Variants in PNO1 observed in about 807,000 individuals in gnomAD.
The protein encoded by PNO1 is partner of NOB1 homolog, also known as RNA-binding protein PNO1.
A neutral mutation model predicts 28.4 loss-of-function variants in PNO1; 16 were observed. The observed-to-expected ratio is 0.56, with a 90% CI of 0.38 to 0.85. The LOEUF (loss-of-function observed/expected upper bound fraction) is 0.85, where lower values mean the gene tolerates loss of function less well. Among genes scored for constraint, PNO1 ranks in the 40% least tolerant of loss-of-function variants. The probability of loss-of-function intolerance (pLI) is 0.00; values close to 1 mark genes in which losing one functional copy is unlikely to be tolerated. For missense variants in PNO1, 304 were observed against 312.2 expected, an observed-to-expected ratio of 0.97 and a Z score of 0.20; for synonymous variants, 115 against 110.8, an observed-to-expected ratio of 1.04 and a Z score of -0.24.
At chr2:68,163,304 G>T (rs1436742867) in intron 5 of PNO1, among the ~76,000 whole-genome samples, 1 of 152,164 alleles carries the variant, frequency 6.6e-6, no homozygotes, top group Admixed American at 6.5e-5. Flanking sequence ...GGCTGAGGCG[G>T]GCGGATCACC....
At chr2:68,167,856 C>G (rs1467196537) in intron 5 of PNO1, among the ~76,000 whole-genome samples, 2 of 152,174 alleles carry the variant, frequency 1.3e-5, no homozygotes, top group South Asian at 2.1e-4. Flanking sequence ...CCTTCATTTT[C>G]CTTTTGCTGT....
chr2:68,161,137 AAC>A (rs1290519795), intron 2 of PNO1: 1 of 462,854 alleles, frequency 2.2e-6, no homozygotes, highest in Non-Finnish European at 4.5e-6. Context: ...TTTTATGAAT[AAC>A]AGTTATTTCT....
In PNO1 at chr2:68,175,287, T is replaced by A. The variant is rs1674247264; in HGVS notation, c.*485T>A. 6.6e-6 allele frequency: 1 copy of A among 152,468 alleles called. No individual in the cohort carries two copies. The highest frequency in any genetic ancestry group is 3.4e-3 in the Middle Eastern group (1 of 294). 9.4% of individuals were successfully genotyped at this position (152,468 alleles called of 1,614,324 possible). A position where few individuals can be genotyped will look rare whatever the true frequency, so the allele number is the denominator to read the frequency against. On this transcript the variant is annotated 3_prime_UTR_variant, in exon 7 of 7. Coordinates refer to ENST00000263657, the MANE Select transcript of PNO1 (RefSeq NM_020143.4). ...AATATTTGTTTGTTGGCAGACAGGG[T>A]CTCACTTTGTCACCCAGGCTAGAGT... is the stretch of plus-strand genomic sequence containing the variant.
At chr2:68,162,435 A>G in intron 4 of PNO1, 110 bp downstream of exon 4, 1 of 1,010,188 alleles carries the variant, frequency 9.9e-7, no homozygotes, top group Non-Finnish European at 1.5e-6. Flanking sequence ...TTATATATAT[A>G]TATATACACT....
intron 5 of PNO1, among the ~76,000 whole-genome samples, chr2:68,170,839 A>G (rs1174231620): frequency 6.7e-6 from 1 of 150,308 alleles, no homozygotes. Flanking sequence ...CTTTTAGCTT[A>G]TCTTAAAAAA....
rs1310425605 is a variant in PNO1 at position 68,171,357 on chromosome 2, G to A, written c.621-1990G>A. 2.0e-5 allele frequency among the ~76,000 whole-genome samples: 3 copies of A among 152,136 alleles called. No individual in the cohort carries two copies. In the East Asian group the frequency reaches 5.8e-4, roughly 29 times the overall value. ...ATTCTGGCTGCACAGCCATCATCCT[G>A]GGTTCCCTGTCCCCTGCCTCTTGGA... On this transcript the variant is annotated intron_variant, in intron 5 of 6. Transcript: ENST00000263657.
At position 68,162,629 on chromosome 2, in the gene PNO1, A is replaced by G; in HGVS notation, c.586A>G (p.Asn196Asp). 6.2e-7 allele frequency: 1 copy of G among 1,612,768 alleles called. No homozygotes were observed. The highest frequency in any genetic ancestry group is 8.5e-7 in the Non-Finnish European group (1 of 1,178,770). ...AGGAAAAACCAAATTCACCATAGAGAATGTGACACGGACAAGGATAGTTTT... is the reference window on the plus strand; with the variant it reads ...AGGAAAAACCAAATTCACCATAGAGGATGTGACACGGACAAGGATAGTTTT... ...KGGKTKFTIE[N>D]VTRTRIVLAD... is the part of the protein sequence containing the mutation. Residue 196 changes from asparagine (N) to aspartate (D), a missense_variant, in exon 5 of 7, where the codon AAT (asparagine) becomes GAT (aspartate). Coordinates refer to ENST00000263657, the MANE Select transcript of PNO1 (RefSeq NM_020143.4).
chr2:68,174,489 A>C (rs913497604), intron 6 of PNO1, among the ~76,000 whole-genome samples: 1 of 152,188 alleles, frequency 6.6e-6, no homozygotes, highest in Admixed American at 6.5e-5. Flanking sequence ...TTTAAAACAC[A>C]ATACAGTACT....
intron 5 of PNO1, among the ~76,000 whole-genome samples, chr2:68,167,944 C>T (rs1411801700): frequency 1.3e-5 from 2 of 152,210 alleles, no homozygotes; most frequent in Non-Finnish European, 2.9e-5. Flanking sequence ...AACAATCCTG[C>T]ACCCACATAA....
chr2:68,174,793 T>C lies in PNO1; in HGVS notation c.750T>C (p.Asp250=). The change falls in exon 7 of 7, where the codon GAT becomes GAC. Residue 250 remains aspartate (D), a synonymous_variant. Transcript: ENST00000263657. Reference sequence around the variant, plus strand: ...GAGCTGTGGCTAGCAGATCAGCAGATCGATTCTGATTTCAAGTCAGAGACT... The same window carrying C: ...GAGCTGTGGCTAGCAGATCAGCAGACCGATTCTGATTTCAAGTCAGAGACT... ...NIRAVASRSA[D]RF 6.2e-7 allele frequency: 1 copy of C among 1,602,722 alleles called. No individual in the cohort carries two copies. The highest frequency in any genetic ancestry group is 8.5e-7 in the Non-Finnish European group (1 of 1,170,330).
Position 68,158,520 on chromosome 2 carries a change from A to G in PNO1, c.348A>G (p.Val116=). 6.2e-7 allele frequency: 1 copy of G among 1,612,764 alleles called. No individual in the cohort carries two copies. The highest frequency in any genetic ancestry group is 1.1e-5 in the South Asian group (1 of 90,876). ...GCTTTAACTTGAAATCAAGGAATGTAGAAATCAGGGTAAGGAAAATCTCAA... is the reference window on the plus strand; with the variant it reads ...GCTTTAACTTGAAATCAAGGAATGTGGAAATCAGGGTAAGGAAAATCTCAA... ...QIRFNLKSRN[V]EIRTCKETKD... The change falls in exon 2 of 7, where the codon GTA becomes GTG. Residue 116 remains valine, a synonymous_variant. Transcript: ENST00000263657.
chr2:68,162,307 T>A lies in PNO1; in HGVS notation c.484T>A (p.Ser162Thr), dbSNP rs754216942. The A allele has an allele frequency of 3.7e-6, 6 of 1,612,550 alleles. No individual in the cohort carries two copies. The highest frequency in any genetic ancestry group is 5.1e-6 in the Non-Finnish European group (6 of 1,178,944). Residue 162 changes from serine to threonine, a missense_variant, in exon 4 of 7, where the codon TCT becomes ACT. Coordinates refer to ENST00000263657, the MANE Select transcript of PNO1 (RefSeq NM_020143.4). Reference protein sequence around the residue: ...LIRLDDLFLESFEITDVKPLK... With the variant: ...LIRLDDLFLETFEITDVKPLK... ...CAGGTTGGATGACCTCTTCCTAGAGTCTTTTGAAATTACAGATGGTGAGTG... is the reference window on the plus strand; with the variant it reads ...CAGGTTGGATGACCTCTTCCTAGAGACTTTTGAAATTACAGATGGTGAGTG...
chr2:68,161,701 G>A lies in PNO1; in HGVS notation c.376G>A (p.Asp126Asn). 1 of 1,611,616 alleles carries A rather than the reference G, an allele frequency of 6.2e-7. No homozygotes were observed. Among genetic ancestry groups the A allele is most frequent in the Non-Finnish European group, 8.5e-7 (1 of 1,177,958 alleles). ...VEIRTCKETK[D>N]VSALTKAADF... ...TTAACAGACTTGTAAAGAAACCAAG[G>A]ATGTTAGTGCTCTGACAAAAGCAGC... Residue 126 changes from aspartate (D) to asparagine (N), a missense_variant, in exon 3 of 7, where the codon GAT becomes AAT. Asp to Asn is a conservative substitution (Grantham distance 23). Coordinates refer to ENST00000263657, the MANE Select transcript of PNO1 (RefSeq NM_020143.4).
In PNO1 at chr2:68,173,376, A is replaced by G. The variant is rs1359906556; in HGVS notation, c.650A>G (p.Asn217Ser). 1 of 1,608,452 alleles carries G rather than the reference A, an allele frequency of 6.2e-7. No homozygotes were observed. Among genetic ancestry groups the G allele is most frequent in the South Asian group, 1.1e-5 (1 of 90,904 alleles). The change falls in exon 6 of 7, where the codon AAT becomes AGT. Residue 217 changes from asparagine to serine, a missense_variant. Asn to Ser is a conservative substitution (Grantham distance 46, BLOSUM62 1). Transcript: ENST00000263657. ...GTTCACATCCTTGGCTCCTTCCAAAATATCAAGATGGCAAGAACTGCCATT... is the reference window on the plus strand; with the variant it reads ...GTTCACATCCTTGGCTCCTTCCAAAGTATCAAGATGGCAAGAACTGCCATT... ...VKVHILGSFQ[N>S]IKMARTAICN...
intron 6 of PNO1, 131 bp downstream of exon 6, chr2:68,173,548 CAAAG>C: frequency 2.0e-6 from 1 of 501,656 alleles, no homozygotes; most frequent in East Asian, 3.6e-5. Context: ...TGGGAGTTGG[CAAAG>C]GTGGGCCTAG....
At chr2:68,169,852 T>C (rs867661624) in intron 5 of PNO1, among the ~76,000 whole-genome samples, 1 of 152,226 alleles carries the variant, frequency 6.6e-6, no homozygotes, top group African/African-American at 2.4e-5. Context: ...AGTATATGTG[T>C]TGAAAAAAAT....
In PNO1 at chr2:68,173,252, A is replaced by G; in HGVS notation, c.621-95A>G. On this transcript the variant is annotated intron_variant, in intron 5 of 6. Transcript: ENST00000263657. ...GGCTTGTCTCAGACTCCTGGCCACA[A>G]ATGATCTACCTGCCTTGGCCTTCCA... 3 of 774,568 alleles carry G rather than the reference A, an allele frequency of 3.9e-6. No individual in the cohort carries two copies. The South Asian group carries it at 4.3e-5, about 11-fold the overall frequency. 48.0% of individuals were successfully genotyped at this position (774,568 alleles called of 1,614,324 possible). A position where few individuals can be genotyped will look rare whatever the true frequency, so the allele number is the denominator to read the frequency against.
chr2:68,165,652 C>T (rs1221704041), intron 5 of PNO1, among the ~76,000 whole-genome samples: 2 of 150,466 alleles, frequency 1.3e-5, no homozygotes, highest in South Asian at 4.2e-4. Context: ...AATTCGAAAC[C>T]AGCCTGGGCG....
At chr2:68,158,229 T>C (rs1673723708) in intron 1 of PNO1, 88 bp downstream of exon 1, 4 of 1,426,812 alleles carry the variant, frequency 2.8e-6, no homozygotes, top group Non-Finnish European at 3.8e-6. Flanking sequence ...GAAGCTGCGG[T>C]GGGGCTGTTC....
Sources: allele counts gnomAD v4.1 joint callset (sites outside exome capture counted in the v4.1 genomes callset), GRCh38; gene constraint gnomAD v4.1.1; transcripts MANE v1.5; gene names NCBI Gene and HGNC (gene_info 2026-07-23, HGNC 2026-07-21).